WARS1: variants seen among roughly 807,000 people sequenced by gnomAD.
WARS1 encodes tryptophan--tRNA ligase, cytoplasmic.
Under a neutral mutation model 47.8 loss-of-function variants are expected in WARS1, and 17 were observed. The ratio of observed to expected loss-of-function variants is 0.36; its 90% CI spans 0.24 to 0.53. WARS1 has a LOEUF of 0.53. Among genes scored for constraint, WARS1 ranks in the 20% least tolerant of loss-of-function variants. The probability of loss-of-function intolerance (pLI) is 0.91; values close to 1 mark genes in which losing one functional copy is unlikely to be tolerated. For synonymous variants in WARS1, 208 were observed against 228.1 expected, an observed-to-expected ratio of 0.91 and a Z score of 0.79; for missense variants, 434 against 608.0, an observed-to-expected ratio of 0.71 and a Z score of 3.01.
At chr14:100,364,701 T>A (rs981102104) in intron 2 of WARS1, among the ~76,000 whole-genome samples, 1 of 152,210 alleles carries the variant, frequency 6.6e-6, no homozygotes, top group South Asian at 2.1e-4. Flanking sequence ...TTAAGTTGAC[T>A]AAAATAATGA....
chr14:100,339,103 T>TCACA (rs528163285), intron 9 of WARS1, among the ~76,000 whole-genome samples: 2,075 of 145,354 alleles, frequency 0.014, 24 homozygotes, highest in African/African-American at 0.036. Context: ...TGAAACTCCA[T>TCACA]CACACACACA....
intron 6 of WARS1, among the ~76,000 whole-genome samples, chr14:100,351,977 A>C (rs2139993380): frequency 7.1e-6 from 1 of 141,522 alleles, no homozygotes; most frequent in South Asian, 2.5e-4. Context: ...TGGGTGACAG[A>C]GCGAGACTCC....
intron 9 of WARS1, 169 bp downstream of exon 9, chr14:100,342,229 G>A (rs1460483787): frequency 1.2e-6 from 1 of 829,866 alleles, no homozygotes; most frequent in Non-Finnish European, 2.0e-6. Flanking sequence ...GGAAGGACAG[G>A]CTGCCTTGAG....
At chr14:100,346,165 G>A (rs1894606460) in intron 7 of WARS1, among the ~76,000 whole-genome samples, 2 of 119,420 alleles carry the variant, frequency 1.7e-5, no homozygotes, top group Admixed American at 1.6e-4. Flanking sequence ...AAAGACACAT[G>A]GAAATTTATG....
chr14:100,362,251 T>C (rs759750227), intron 2 of WARS1, among the ~76,000 whole-genome samples: 1 of 152,234 alleles, frequency 6.6e-6, no homozygotes, highest in Admixed American at 6.5e-5. Context: ...AAAGTTCATA[T>C]GCTAAAGATT....
At chr14:100,338,094 G>A (rs1450208248) in intron 9 of WARS1, among the ~76,000 whole-genome samples, 11 of 152,060 alleles carry the variant, frequency 7.2e-5, no homozygotes, top group African/African-American at 2.4e-5. Flanking sequence ...GGGGCCTGCA[G>A]GCAGGTCTTC....
intron 5 of WARS1, 47 bp downstream of exon 5, chr14:100,354,400 C>A: frequency 6.3e-7 from 1 of 1,589,162 alleles, no homozygotes; most frequent in African/African-American, 1.4e-5. Context: ...AAGCAACATT[C>A]TCAATTCACT....
chr14:100,354,271 G>T, intron 5 of WARS1, 176 bp downstream of exon 5: 1 of 852,742 alleles, frequency 1.2e-6, no homozygotes, highest in Non-Finnish European at 1.7e-6. Flanking sequence ...TCACTCCATG[G>T]TCCTCTAAAG....
intron 8 of WARS1, 59 bp downstream of exon 8, chr14:100,343,215 TA>T: frequency 7.0e-7 from 1 of 1,426,910 alleles, no homozygotes; most frequent in Non-Finnish European, 9.6e-7. Context: ...CGCTGAAGAG[TA>T]AGAGGAACCT....
At chr14:100,347,092 C>G (rs1894668912) in intron 6 of WARS1, among the ~76,000 whole-genome samples, 1 of 152,198 alleles carries the variant, frequency 6.6e-6, no homozygotes, top group African/African-American at 2.4e-5. Context: ...CAGTGTGAAA[C>G]CGACGTGAAG....
intron 2 of WARS1, chr14:100,365,991 G>A (rs575135235): frequency 1.1e-5 from 5 of 455,926 alleles, no homozygotes; most frequent in Non-Finnish European, 1.8e-5. Context: ...GAAAACAGGA[G>A]CGCTGGTTGA....
Position 100,334,346 on chromosome 14 carries a change from C to G in WARS1, c.*529G>C, listed in dbSNP as rs760784331. 2.0e-5 allele frequency: 3 copies of G among 152,418 alleles called. No individual in the cohort carries two copies. The highest frequency in any genetic ancestry group is 6.5e-5 in the Admixed American group (1 of 15,278). The allele number at this position is 152,418 out of a possible 1,614,324, so 9.4% of individuals were successfully genotyped here. A position where few individuals can be genotyped will look rare whatever the true frequency, so the allele number is the denominator to read the frequency against. Reference sequence around the variant, plus strand: ...GGTGATTTCTTAGTCAAATGTATAACGAAGCTTTTACTTATCAATTTCTTT... The same window carrying G: ...GGTGATTTCTTAGTCAAATGTATAAGGAAGCTTTTACTTATCAATTTCTTT... On this transcript the variant is annotated 3_prime_UTR_variant, in exon 11 of 11. Transcript: ENST00000392882.
chr14:100,359,729 A>C (rs1210141101), intron 4 of WARS1, among the ~76,000 whole-genome samples: 1 of 152,238 alleles, frequency 6.6e-6, no homozygotes, highest in Non-Finnish European at 1.5e-5. Flanking sequence ...ATGGTCTCAC[A>C]ACCTTGTGAA....
chr14:100,347,285 C>T (rs923652465), intron 6 of WARS1, among the ~76,000 whole-genome samples: 6 of 152,150 alleles, frequency 3.9e-5, no homozygotes, highest in African/African-American at 1.4e-4. Flanking sequence ...GTCGGATGAG[C>T]GTATGGATAG....
chr14:100,348,974 C>T (rs1894802919), intron 6 of WARS1, among the ~76,000 whole-genome samples: 1 of 152,230 alleles, frequency 6.6e-6, no homozygotes, highest in Non-Finnish European at 1.5e-5. Context: ...TCCCCCTGCA[C>T]AGCTGGGACG....
At chr14:100,343,922 G>A (rs1281837990) in intron 7 of WARS1, among the ~76,000 whole-genome samples, 3 of 152,100 alleles carry the variant, frequency 2.0e-5, no homozygotes, top group Admixed American at 6.5e-5. Flanking sequence ...CGTGAGCCAC[G>A]GCGCCCGGCC....
At chr14:100,344,602 G>A (rs375440030) in intron 7 of WARS1, among the ~76,000 whole-genome samples, 4 of 151,440 alleles carry the variant, frequency 2.6e-5, no homozygotes, top group East Asian at 4.0e-4. Context: ...AGTGAGGAGC[G>A]TCTCTGCCCG....
chr14:100,360,488 T>C, intron 4 of WARS1, 66 bp downstream of exon 4: 2 of 1,310,296 alleles, frequency 1.5e-6, no homozygotes, highest in Non-Finnish European at 2.2e-6. Flanking sequence ...GAAGAGAGTG[T>C]CTTACGATTT....
Position 100,335,054 on chromosome 14 carries a change from G to A in WARS1, c.1255-18C>T, listed in dbSNP as rs1228631331. The stretch of plus-strand genomic sequence containing the variant: ...GTGTAATCCTGCCCGGAGGGAGACA[G>A]CCACGTGAGAGATGGCTCCACATGT... On this transcript the variant is annotated intron_variant, in intron 10 of 10. Transcript: ENST00000392882. 4 of 1,609,702 alleles carry A rather than the reference G, an allele frequency of 2.5e-6. No homozygotes were observed. The South Asian group carries it at 4.4e-5, about 18-fold the overall frequency.
Sources: gnomAD v4.1 joint callset for allele counts (sites outside exome capture counted in the v4.1 genomes callset) on GRCh38, gnomAD v4.1.1 for gene constraint, MANE v1.5 for transcripts, NCBI Gene and HGNC (gene_info 2026-07-23, HGNC 2026-07-21) for gene names.